Variants in ANTXR1 observed in about 807,000 individuals in gnomAD.
ANTXR1 encodes the protein anthrax toxin receptor 1.
Under a neutral mutation model 78.1 loss-of-function variants are expected in ANTXR1, and 19 were observed. That is an observed-to-expected ratio of 0.24 (90% confidence interval 0.17 to 0.36). The LOEUF (loss-of-function observed/expected upper bound fraction) is 0.36. Among genes scored for constraint, ANTXR1 ranks in the 10% least tolerant of loss-of-function variants. The pLI is 1.00. For missense variants in ANTXR1, 518 were observed against 718.6 expected (o/e 0.72, Z 3.19); for synonymous variants, 273 against 260.5 (o/e 1.05, Z -0.46).
chr2:69,214,503 G>A (rs866079239), intron 17 of ANTXR1, among the ~76,000 whole-genome samples: 1 of 152,124 alleles, frequency 6.6e-6, no homozygotes. Flanking sequence ...AGTACAATCC[G>A]AGAGATTAAT....
At chr2:69,025,645 A>G (rs1178678853) in intron 1 of ANTXR1, among the ~76,000 whole-genome samples, 1 of 152,202 alleles carries the variant, frequency 6.6e-6, no homozygotes, top group Admixed American at 6.5e-5. Flanking sequence ...AGAAAAGTGA[A>G]GACTCCTAAC....
rs1199935774 is a variant in ANTXR1 at position 69,033,119 on chromosome 2, T to G, written c.153-6925T>G. Among the ~76,000 whole-genome samples, 7 of 152,208 alleles carry G rather than the reference T, an allele frequency of 4.6e-5. No individual in the cohort carries two copies. In the East Asian group the frequency reaches 1.4e-3, roughly 29 times the overall value. ...GATATTTCATCACAAGTCAGTCGAG[T>G]GGGGCCAGGCACCCTGTCCTGGGGT... On this transcript the variant is annotated intron_variant, in intron 1 of 17. Coordinates refer to ENST00000303714, the MANE Select transcript of ANTXR1 (RefSeq NM_032208.3).
chr2:69,101,025 A>G (rs1461445427), intron 9 of ANTXR1, among the ~76,000 whole-genome samples: 1 of 152,196 alleles, frequency 6.6e-6, no homozygotes, highest in East Asian at 1.9e-4. Flanking sequence ...CTGCTTTACT[A>G]ATGACATGAC....
rs72899335 is a variant in ANTXR1, at chr2:69,122,516, G to A, written c.803-501G>A. Among the ~76,000 whole-genome samples, 562 of 152,256 alleles carry A rather than the reference G, an allele frequency of 3.7e-3. 2 individuals are homozygous for A. The highest frequency in any genetic ancestry group is 0.013 in the African/African-American group (545 of 41,546). ...AGTTGACTCAACTGCACATACCACA[G>A]GAAGCTATGATTCAGGCAGGAGCAC... On this transcript the variant is annotated intron_variant, in intron 10 of 17. Coordinates refer to ENST00000303714, the MANE Select transcript of ANTXR1 (RefSeq NM_032208.3).
At chr2:69,030,452 A>G (rs990391698) in intron 1 of ANTXR1, among the ~76,000 whole-genome samples, 42 of 152,364 alleles carry the variant, frequency 2.8e-4, no homozygotes, top group African/African-American at 8.9e-4. Context: ...TTTAAATTAA[A>G]TACATATTGT....
chr2:69,091,269 A>G (rs1671225631), intron 9 of ANTXR1, among the ~76,000 whole-genome samples: 1 of 151,806 alleles, frequency 6.6e-6, no homozygotes, highest in Non-Finnish European at 1.5e-5. Context: ...GTTAAACCCC[A>G]TCTCTACTAA....
intron 12 of ANTXR1, chr2:69,146,423 A>G (rs778515182): frequency 1.6e-5 from 15 of 960,090 alleles, no homozygotes; most frequent in Admixed American, 6.2e-5. Context: ...TACTTAGGCT[A>G]TTGAGAAAAT....
At chr2:69,183,597 T>C (rs1674338695) in intron 16 of ANTXR1, among the ~76,000 whole-genome samples, 5 of 140,590 alleles carry the variant, frequency 3.6e-5, no homozygotes, top group Admixed American at 3.5e-4. Context: ...TTTTTTTTTT[T>C]TTGAGGGACG....
chr2:69,067,715 A>T (rs1184103662), intron 3 of ANTXR1, among the ~76,000 whole-genome samples: 1 of 152,040 alleles, frequency 6.6e-6, no homozygotes, highest in Non-Finnish European at 1.5e-5. Context: ...CCTCCCCGTC[A>T]TGTCCCCTTG....
At chr2:69,143,578 G>A (rs7606657) in intron 12 of ANTXR1, among the ~76,000 whole-genome samples, 1,828 of 152,268 alleles carry the variant, frequency 0.012, 32 homozygotes, top group South Asian at 0.047. Context: ...TCCATATCTA[G>A]ATGAGAGTTT....
chr2:69,128,975 T>A (rs967286355), intron 12 of ANTXR1, among the ~76,000 whole-genome samples: 16 of 152,206 alleles, frequency 1.1e-4, no homozygotes, highest in African/African-American at 3.9e-4. Context: ...AACTGTTGCC[T>A]GAGCCAGAAG....
chr2:69,131,670 G>C (rs1039271230), intron 12 of ANTXR1, among the ~76,000 whole-genome samples: 3 of 152,156 alleles, frequency 2.0e-5, no homozygotes, highest in Admixed American at 6.6e-5. Context: ...AATGATGGTT[G>C]AGTGAATAAA....
chr2:69,186,126 C>A (rs540730097), intron 16 of ANTXR1, among the ~76,000 whole-genome samples: 8 of 152,300 alleles, frequency 5.3e-5, no homozygotes, highest in African/African-American at 7.2e-5. Flanking sequence ...TATGAAACCA[C>A]TCCCCAGAGC....
At chr2:69,095,959 G>C (rs1384021901) in intron 9 of ANTXR1, among the ~76,000 whole-genome samples, 1 of 152,054 alleles carries the variant, frequency 6.6e-6, no homozygotes, top group Admixed American at 6.6e-5. Context: ...GTAATCTGCT[G>C]CCATCAAAAA....
At position 69,228,274 on chromosome 2, in the gene ANTXR1, G is replaced by C. The variant is rs143016452; in HGVS notation, c.1435-16951G>C. On this transcript the variant is annotated intron_variant, in intron 17 of 17. Transcript: ENST00000303714. Reference sequence around the variant, plus strand: ...GCAGGGCACTGAAATCCTAAAGAAGGAAGAAATAGAGACATGGAAAGCTGG... The same window carrying C: ...GCAGGGCACTGAAATCCTAAAGAAGCAAGAAATAGAGACATGGAAAGCTGG... Among the ~76,000 whole-genome samples, 1,234 of 152,304 alleles carry C rather than the reference G, an allele frequency of 8.1e-3. 7 individuals carry two copies. Among genetic ancestry groups the C allele is most frequent in the Non-Finnish European group, 0.013 (905 of 68,016 alleles).
At chr2:69,089,164 G>A (rs1182822101) in intron 8 of ANTXR1, among the ~76,000 whole-genome samples, 2 of 152,230 alleles carry the variant, frequency 1.3e-5, no homozygotes, top group Non-Finnish European at 2.9e-5. Context: ...AAGTTCTACA[G>A]AGTGAAGGAA....
intron 13 of ANTXR1, among the ~76,000 whole-genome samples, chr2:69,163,982 T>C (rs1673754867): frequency 6.6e-6 from 1 of 152,246 alleles, no homozygotes; most frequent in East Asian, 1.9e-4. Flanking sequence ...TTTTGCAGTT[T>C]AGTGATTTTA....
At chr2:69,229,794 A>G (rs999621250) in intron 17 of ANTXR1, among the ~76,000 whole-genome samples, 4 of 151,084 alleles carry the variant, frequency 2.6e-5, no homozygotes, top group Non-Finnish European at 5.9e-5. Context: ...AGTGAGACCC[A>G]TCCAAAATGT....
chr2:69,134,612 T>G (rs974735861), intron 12 of ANTXR1, among the ~76,000 whole-genome samples: 2 of 152,160 alleles, frequency 1.3e-5, no homozygotes, highest in African/African-American at 4.8e-5. Flanking sequence ...CCTAAAAGTA[T>G]GTTAGGAAAG....
Sources: allele counts gnomAD v4.1 joint callset (sites outside exome capture counted in the v4.1 genomes callset), GRCh38; gene constraint gnomAD v4.1.1; transcripts MANE v1.5; gene names NCBI Gene and HGNC (gene_info 2026-07-23, HGNC 2026-07-21).